MLLT1: variants seen among roughly 807,000 people sequenced by gnomAD.
MLLT1 encodes the protein protein ENL.
In MLLT1, 11 loss-of-function variants were observed where a neutral mutation model predicts 55.1. That is an observed-to-expected ratio of 0.20 (90% confidence interval 0.13 to 0.33). MLLT1 has a LOEUF of 0.33. Among genes scored for constraint, MLLT1 ranks in the 10% least tolerant of loss-of-function variants. The pLI is 1.00. For missense variants in MLLT1, 536 were observed against 760.6 expected, an observed-to-expected ratio of 0.70 and a Z score of 3.47; for synonymous variants, 323 against 320.1, an observed-to-expected ratio of 1.01 and a Z score of -0.10.
At chr19:6,243,772 G>A (rs1037374611) in intron 3 of MLLT1, among the ~76,000 whole-genome samples, 1 of 152,030 alleles carries the variant, frequency 6.6e-6, no homozygotes, top group East Asian at 1.9e-4. Flanking sequence ...GGCCGGGCAC[G>A]GTGGCTCACG....
chr19:6,264,602 A>G (rs2091331312), intron 2 of MLLT1, among the ~76,000 whole-genome samples: 2 of 152,052 alleles, frequency 1.3e-5, no homozygotes, highest in Admixed American at 1.3e-4. Flanking sequence ...AAAATAAGAT[A>G]CTTCTAAAAG....
In MLLT1 at chr19:6,210,548, T is replaced by C. The variant is rs572417341; in HGVS notation, c.*2494A>G. 1 of 219,826 alleles carries C rather than the reference T, an allele frequency of 4.5e-6. No individual in the cohort carries two copies. The highest frequency in any genetic ancestry group is 6.7e-5 in the East Asian group (1 of 15,034). The allele number at this position is 219,826 out of a possible 1,614,324, so 13.6% of individuals were successfully genotyped here. ...GGAGTTGGTCTCGGGCCGATGAGTG[T>C]CCTAGTTCCTAGTGAGACACGTTCT... On this transcript the variant is annotated 3_prime_UTR_variant, in exon 12 of 12. Coordinates refer to ENST00000252674, the MANE Select transcript of MLLT1 (RefSeq NM_005934.4). This position sits in a 1 kb window ranked among gnomAD's most constrained non-coding sequence, Gnocchi z 4.6.
intron 1 of MLLT1, among the ~76,000 whole-genome samples, chr19:6,272,657 G>A (rs1034988411): frequency 1.2e-4 from 18 of 152,212 alleles, no homozygotes; most frequent in African/African-American, 3.4e-4. Context: ...CATCTTGTTC[G>A]TCCTCTTAGC....
In MLLT1 at chr19:6,212,097, A is replaced by AGAGG. The variant is rs2144836039; in HGVS notation, c.*941_*944dup. On this transcript the variant is annotated 3_prime_UTR_variant, in exon 12 of 12. Coordinates refer to ENST00000252674, the MANE Select transcript of MLLT1 (RefSeq NM_005934.4). ...CAAAGTTTGAAGACTTGAATGAAAG[A>AGAGG]GAGGAAGAGGAGCCTATGGGAGGAG... 2 of 1,066,274 alleles carry AGAGG rather than the reference A, an allele frequency of 1.9e-6. No individual in the cohort carries two copies. The highest frequency in any genetic ancestry group is 3.3e-5 in the African/African-American group (2 of 61,206). 66.1% of individuals were successfully genotyped at this position (1,066,274 alleles called of 1,614,324 possible). A position where few individuals can be genotyped will look rare whatever the true frequency, so the allele number is the denominator to read the frequency against.
chr19:6,230,787 T>A lies in MLLT1; in HGVS notation c.277-74A>T. The A allele has an allele frequency of 6.4e-7, 1 of 1,572,546 alleles. No homozygotes were observed. Among genetic ancestry groups the A allele is most frequent in the Non-Finnish European group, 8.7e-7 (1 of 1,152,774 alleles). On this transcript the variant is annotated intron_variant, in intron 3 of 11. Coordinates refer to ENST00000252674, the MANE Select transcript of MLLT1 (RefSeq NM_005934.4). The surrounding 1 kb of genome is among the most constrained non-coding windows in gnomAD (Gnocchi z 9.0). ...CAGGGACACAGCTCCCCATTGGCCC[T>A]GGTCCTCCCCTCTCCCTCACTGGGC...
rs34494210 is a variant in MLLT1, at chr19:6,264,892, T to TAAA, written c.194-2585_194-2583dup. Among the ~76,000 whole-genome samples the TAAA allele has an allele frequency of 1.5e-3, 112 of 73,604 alleles. 2 individuals carry two copies. The highest frequency in any genetic ancestry group is 4.5e-3 in the African/African-American group (83 of 18,340). The allele number at this position is 73,604 out of a possible 152,430, so 48.3% of individuals were successfully genotyped here. ...CCTAGGTGACTGAGCGAAACTCTGT[T>TAAA]AAAAAAAAAAAAAAAAAAAAATGAG... On this transcript the variant is annotated intron_variant, in intron 2 of 11. Coordinates refer to ENST00000252674, the MANE Select transcript of MLLT1 (RefSeq NM_005934.4).
intron 3 of MLLT1, among the ~76,000 whole-genome samples, chr19:6,261,751 CCT>C (rs1327364254): frequency 6.6e-6 from 1 of 152,128 alleles, no homozygotes; most frequent in African/African-American, 2.4e-5. Context: ...AGAGATAACT[CCT>C]TTTTCCTTCA....
At chr19:6,236,834 G>A (rs970372181) in intron 3 of MLLT1, among the ~76,000 whole-genome samples, 13 of 152,252 alleles carry the variant, frequency 8.5e-5, no homozygotes, top group Admixed American at 4.6e-4. Context: ...AGTCAAAGGT[G>A]GCTGGCCAAC....
chr19:6,217,214 T>G (rs2090853691), intron 7 of MLLT1, among the ~76,000 whole-genome samples: 1 of 151,978 alleles, frequency 6.6e-6, no homozygotes, highest in Admixed American at 6.6e-5. Flanking sequence ...ACTGCACGGC[T>G]GAATTCCAGG....
chr19:6,217,852 C>T, intron 7 of MLLT1, 102 bp downstream of exon 7: 1 of 1,479,670 alleles, frequency 6.8e-7, no homozygotes, highest in Non-Finnish European at 9.0e-7. Flanking sequence ...ATCTGCAGGG[C>T]CCAGCCTGTG....
intron 3 of MLLT1, among the ~76,000 whole-genome samples, chr19:6,261,478 G>T (rs771134602): frequency 2.2e-4 from 34 of 152,046 alleles, no homozygotes; most frequent in Non-Finnish European, 4.3e-4. Flanking sequence ...GCCTCCCAGG[G>T]ACACCTCCTT....
chr19:6,263,751 G>A (rs2091324225), intron 2 of MLLT1, among the ~76,000 whole-genome samples: 1 of 152,212 alleles, frequency 6.6e-6, no homozygotes. Context: ...GCCAGTTTCT[G>A]AAAGGCAGAA....
rs59774199 is a variant in MLLT1 at position 6,265,053 on chromosome 19, A to C, written c.194-2743T>G. 4.4e-4 allele frequency among the ~76,000 whole-genome samples: 14 copies of C among 31,948 alleles called. 3 individuals are homozygous for C. Among genetic ancestry groups the C allele is most frequent in the African/African-American group, 8.7e-4 (14 of 16,178 alleles). 21.0% of individuals were successfully genotyped at this position (31,948 alleles called of 152,430 possible). On this transcript the variant is annotated intron_variant, in intron 2 of 11. Coordinates refer to ENST00000252674, the MANE Select transcript of MLLT1 (RefSeq NM_005934.4). Reference sequence around the variant, plus strand: ...TAGTGAACAGCAAAAAAAAAACAAAAAAACAAAAAAACAAAAAAAAACATG... The same window carrying C: ...TAGTGAACAGCAAAAAAAAAACAAACAAACAAAAAAACAAAAAAAAACATG...
At chr19:6,263,701 C>T (rs1697293693) in intron 2 of MLLT1, among the ~76,000 whole-genome samples, 1 of 152,110 alleles carries the variant, frequency 6.6e-6, no homozygotes, top group Non-Finnish European at 1.5e-5. Flanking sequence ...GGAATAAGGC[C>T]GTGAGAGTGA....
At chr19:6,278,052 G>A (rs753940497) in intron 1 of MLLT1, among the ~76,000 whole-genome samples, 26 of 152,150 alleles carry the variant, frequency 1.7e-4, no homozygotes, top group Admixed American at 7.2e-4. Context: ...CACAGGCGCC[G>A]AGATGGGCAG....
chr19:6,244,828 T>G (rs1197466051), intron 3 of MLLT1, among the ~76,000 whole-genome samples: 1 of 151,982 alleles, frequency 6.6e-6, no homozygotes, highest in Admixed American at 6.6e-5. Context: ...AATAAGCACA[T>G]GAAAACGATG....
Position 6,212,458 on chromosome 19 carries a change from A to T in MLLT1, c.*584T>A. On this transcript the variant is annotated 3_prime_UTR_variant, in exon 12 of 12. Transcript: ENST00000252674. ...TGCTGCCACAGAAACGCACATGGAC[A>T]CTGCTCTTGACCAGACAGTGCACAC... 1 of 1,066,092 alleles carries T rather than the reference A, an allele frequency of 9.4e-7. No homozygotes were observed. Among genetic ancestry groups the T allele is most frequent in the Non-Finnish European group, 1.1e-6 (1 of 879,836 alleles). 66.0% of individuals were successfully genotyped at this position (1,066,092 alleles called of 1,614,324 possible).
chr19:6,242,931 G>A (rs2091129437), intron 3 of MLLT1, among the ~76,000 whole-genome samples: 1 of 152,154 alleles, frequency 6.6e-6, no homozygotes, highest in African/African-American at 2.4e-5. Flanking sequence ...TCTCGGTTTT[G>A]CCAAGCACAC....
intron 1 of MLLT1, among the ~76,000 whole-genome samples, chr19:6,271,164 CT>C (rs2091392519): frequency 6.6e-6 from 1 of 152,120 alleles, no homozygotes; most frequent in Admixed American, 6.5e-5. Flanking sequence ...GAAGCCTCCC[CT>C]GACCACCGAT....
Sources: allele counts gnomAD v4.1 joint callset (sites outside exome capture counted in the v4.1 genomes callset), GRCh38; gene constraint gnomAD v4.1.1; non-coding constraint Gnocchi (gnomAD v3.1); transcripts MANE v1.5; gene names NCBI Gene and HGNC (gene_info 2026-07-23, HGNC 2026-07-21).